Variants in AGMO observed in about 807,000 individuals in gnomAD.
AGMO encodes alkylglycerol monooxygenase.
A neutral mutation model predicts 60.2 loss-of-function variants in AGMO; 75 were observed. That is an observed-to-expected ratio of 1.25 (90% CI 1.03 to 1.51). The LOEUF (loss-of-function observed/expected upper bound fraction) is 1.51, where lower values mean the gene tolerates loss of function less well. AGMO is among the 40% of genes most tolerant of loss of function. The pLI is 0.00. For synonymous variants in AGMO, 261 were observed against 177.1 expected (o/e 1.47, Z -3.76); for missense variants, 763 against 525.5 (o/e 1.45, Z -4.42).
chr7:15,235,709 G>A (rs1764307633), intron 12 of AGMO, among the ~76,000 whole-genome samples: 1 of 152,042 alleles, frequency 6.6e-6, no homozygotes, highest in Non-Finnish European at 1.5e-5. Context: ...AGACCTTTGG[G>A]GGCATGCAGT....
chr7:15,351,851 G>C (rs1290011654), intron 12 of AGMO, among the ~76,000 whole-genome samples: 1 of 152,106 alleles, frequency 6.6e-6, no homozygotes, highest in East Asian at 1.9e-4. Flanking sequence ...GAATCATTGA[G>C]AAAGTGTTAA....
At chr7:15,396,822 T>C (rs1391722100) in intron 5 of AGMO, among the ~76,000 whole-genome samples, 1 of 151,990 alleles carries the variant, frequency 6.6e-6, no homozygotes, top group African/African-American at 2.4e-5. Context: ...GATTGGTCCA[T>C]TTTGAGAGAG....
At chr7:15,546,688 A>G (rs567067148) in intron 2 of AGMO, among the ~76,000 whole-genome samples, 1 of 152,214 alleles carries the variant, frequency 6.6e-6, no homozygotes, top group Non-Finnish European at 1.5e-5. Context: ...AAGGGTTCCC[A>G]AAGTGTTGTG....
chr7:15,544,365 T>C (rs1173083175), intron 3 of AGMO, among the ~76,000 whole-genome samples: 1 of 152,056 alleles, frequency 6.6e-6, no homozygotes, highest in Non-Finnish European at 1.5e-5. Flanking sequence ...AAAAACCTAT[T>C]GCAATAAAAA....
At chr7:15,290,540 A>T (rs1033168144) in intron 12 of AGMO, among the ~76,000 whole-genome samples, 4 of 152,184 alleles carry the variant, frequency 2.6e-5, no homozygotes, top group African/African-American at 4.8e-5. Flanking sequence ...TGGCTCTCAT[A>T]TGCTTTCTGT....
At chr7:15,356,213 A>G (rs1782524034) in intron 12 of AGMO, among the ~76,000 whole-genome samples, 1 of 152,214 alleles carries the variant, frequency 6.6e-6, no homozygotes, top group African/African-American at 2.4e-5. Context: ...TATAAACTAG[A>G]GAAACTCTAC....
At chr7:15,435,518 TC>T (rs889358243) in intron 3 of AGMO, among the ~76,000 whole-genome samples, 23 of 152,170 alleles carry the variant, frequency 1.5e-4, no homozygotes, top group Admixed American at 1.0e-3. Flanking sequence ...CATCTATGTA[TC>T]TTCTTTTTGA....
intron 12 of AGMO, among the ~76,000 whole-genome samples, chr7:15,301,607 G>C (rs977288940): frequency 6.6e-6 from 1 of 151,940 alleles, no homozygotes; most frequent in Admixed American, 6.6e-5. Context: ...GAATATGTAA[G>C]CAAAAGCATA....
intron 3 of AGMO, among the ~76,000 whole-genome samples, chr7:15,528,867 C>T (rs1193034627): frequency 6.6e-6 from 1 of 152,050 alleles, no homozygotes; most frequent in Non-Finnish European, 1.5e-5. Flanking sequence ...AGGCTGGTCT[C>T]GAACTCCCAA....
chr7:15,176,265 TC>T, the AGMO span, among the ~76,000 whole-genome samples: 1 of 151,908 alleles, frequency 6.6e-6, no homozygotes, highest in Non-Finnish European at 1.5e-5. Context: ...TGTTCCTCTT[TC>T]CTCCTCTGCA....
chr7:15,430,977 C>T lies in AGMO; in HGVS notation c.513+28G>A, dbSNP rs760046898. 3.3e-6 allele frequency: 4 copies of T among 1,230,126 alleles called. No homozygotes were observed. In the South Asian group the frequency reaches 6.3e-5, roughly 19 times the overall value. 76.2% of individuals were successfully genotyped at this position (1,230,126 alleles called of 1,614,324 possible). A position where few individuals can be genotyped will look rare whatever the true frequency, so the allele number is the denominator to read the frequency against. ...GAGACTTAAAAACAAATTAGATTAC[C>T]ATGTTTATTCCATTTCATACAACTT... On this transcript the variant is annotated intron_variant, in intron 4 of 12. Coordinates refer to ENST00000342526, the MANE Select transcript of AGMO (RefSeq NM_001004320.2).
intron 3 of AGMO, among the ~76,000 whole-genome samples, chr7:15,533,673 ACTATATTC>A (rs1253455400): frequency 1.3e-5 from 2 of 152,048 alleles, no homozygotes; most frequent in Non-Finnish European, 2.9e-5. Context: ...TTATTTTTCC[ACTATATTC>A]CTATATTTCT....
At chr7:15,221,939 T>C (rs1325497658) in intron 12 of AGMO, among the ~76,000 whole-genome samples, 1 of 152,174 alleles carries the variant, frequency 6.6e-6, no homozygotes, top group Admixed American at 6.6e-5. Context: ...TAGCATTACG[T>C]TTTCACTTTC....
At chr7:15,369,332 C>T (rs768941318) in intron 10 of AGMO, among the ~76,000 whole-genome samples, 14 of 152,022 alleles carry the variant, frequency 9.2e-5, no homozygotes, top group Non-Finnish European at 1.6e-4. Flanking sequence ...GTTCTAAACC[C>T]TCCAGGGGCT....
intron 3 of AGMO, among the ~76,000 whole-genome samples, chr7:15,445,983 G>T (rs1781688343): frequency 6.6e-6 from 1 of 152,088 alleles, no homozygotes; most frequent in Non-Finnish European, 1.5e-5. Context: ...GTACCATTTT[G>T]TATTTAAATA....
intron 10 of AGMO, among the ~76,000 whole-genome samples, 189 bp from the exon 11 acceptor site, chr7:15,366,411 C>T (rs916676271): frequency 3.3e-5 from 5 of 152,052 alleles, no homozygotes; most frequent in African/African-American, 1.2e-4. Context: ...CCTTGTTGGA[C>T]ACTTGGAGAA....
chr7:15,147,423 T>C, the AGMO span, among the ~76,000 whole-genome samples: 1 of 152,104 alleles, frequency 6.6e-6, no homozygotes, highest in South Asian at 2.1e-4. Flanking sequence ...AGAGAGGACG[T>C]GTAGGGGAAC....
intron 3 of AGMO, among the ~76,000 whole-genome samples, chr7:15,448,313 A>G (rs761418694): frequency 7.9e-5 from 12 of 152,186 alleles, no homozygotes; most frequent in Non-Finnish European, 1.6e-4. Flanking sequence ...AGAGACTCCA[A>G]AGAGATCCCG....
chr7:15,145,083 C>T, the AGMO span, among the ~76,000 whole-genome samples: 1 of 152,186 alleles, frequency 6.6e-6, no homozygotes, highest in Non-Finnish European at 1.5e-5. Context: ...CCGCCTCGGC[C>T]CCGCAAAGTG....
Sources: allele counts gnomAD v4.1 joint callset (sites outside exome capture counted in the v4.1 genomes callset), GRCh38; gene constraint gnomAD v4.1.1; transcripts MANE v1.5; gene names NCBI Gene and HGNC (gene_info 2026-07-23, HGNC 2026-07-21).